The following CNTN4 variants were observed in gnomAD, a reference collection of about 807,000 sequenced individuals.
The protein encoded by CNTN4 is contactin 4.
Under a neutral mutation model 122.5 loss-of-function variants are expected in CNTN4, and 77 were observed. The ratio of observed to expected loss-of-function variants is 0.63; its 90% CI spans 0.52 to 0.76. CNTN4 has a LOEUF of 0.76. Ranked by LOEUF, CNTN4 falls within the 30% of genes least tolerant of loss-of-function variation. The pLI is 0.00. For synonymous variants in CNTN4, 512 were observed against 447.0 expected, an observed-to-expected ratio of 1.15 and a Z score of -1.83; for missense variants, 1,256 against 1,259.1, an observed-to-expected ratio of 1.00 and a Z score of 0.04.
chr3:2,953,986 G>T (rs1202644665), intron 13 of CNTN4, among the ~76,000 whole-genome samples: 2 of 152,102 alleles, frequency 1.3e-5, no homozygotes, highest in African/African-American at 4.8e-5. Context: ...CAATTCTTAG[G>T]AATCACCTTT....
chr3:3,011,249 A>G (rs1412105218), intron 14 of CNTN4, among the ~76,000 whole-genome samples: 1 of 152,162 alleles, frequency 6.6e-6, no homozygotes, highest in Non-Finnish European at 1.5e-5. Flanking sequence ...TCAATAAAGT[A>G]TATTTTTGGC....
intron 3 of CNTN4, among the ~76,000 whole-genome samples, chr3:2,542,819 T>G (rs181165740): frequency 6.6e-6 from 1 of 152,226 alleles, no homozygotes; most frequent in East Asian, 1.9e-4. Context: ...CTGGGCCAGA[T>G]AGTGGATCCA....
At chr3:2,285,051 C>A (rs1180628311) in intron 2 of CNTN4, among the ~76,000 whole-genome samples, 2 of 151,692 alleles carry the variant, frequency 1.3e-5, no homozygotes, top group Non-Finnish European at 2.9e-5. Context: ...AAAAGAGAGA[C>A]AAATGATACA....
At chr3:2,961,462 C>T (rs1447191950) in intron 13 of CNTN4, among the ~76,000 whole-genome samples, 1 of 151,996 alleles carries the variant, frequency 6.6e-6, no homozygotes. Flanking sequence ...GTGTCTTGTA[C>T]AGTAGTTTTT....
intron 3 of CNTN4, among the ~76,000 whole-genome samples, chr3:2,448,636 G>C (rs1411479210): frequency 6.6e-6 from 1 of 152,206 alleles, no homozygotes; most frequent in Admixed American, 6.5e-5. Context: ...GCCAGAGGAA[G>C]TGATTCTCTG....
chr3:2,236,751 G>T (rs946459885), intron 2 of CNTN4, among the ~76,000 whole-genome samples: 1 of 152,104 alleles, frequency 6.6e-6, no homozygotes, highest in Non-Finnish European at 1.5e-5. Flanking sequence ...TGGATGTCAG[G>T]CTCTGCACTA....
intron 2 of CNTN4, among the ~76,000 whole-genome samples, chr3:2,179,251 G>A (rs2036900348): frequency 6.6e-6 from 1 of 151,896 alleles, no homozygotes; most frequent in Non-Finnish European, 1.5e-5. Flanking sequence ...AATATTTCTG[G>A]TCAAATAAAA....
intron 14 of CNTN4, among the ~76,000 whole-genome samples, chr3:3,008,359 G>A (rs1473821904): frequency 6.6e-6 from 1 of 152,124 alleles, no homozygotes; most frequent in African/African-American, 2.4e-5. Context: ...ACCTGGCATG[G>A]ATCCGCCAAA....
At chr3:2,211,086 A>G (rs1025073006) in intron 2 of CNTN4, among the ~76,000 whole-genome samples, 1 of 152,192 alleles carries the variant, frequency 6.6e-6, no homozygotes, top group African/African-American at 2.4e-5. Context: ...TACAGGTGGC[A>G]TGGTACCAGC....
In CNTN4 at chr3:2,840,648, A is replaced by C. The variant is rs4684364; in HGVS notation, c.454+21067A>C. Reference sequence around the variant, plus strand: ...CGGGAGGCGGAGCTTGCAGTGAGCCAAGATCACACCACTGCACTCCAGCCT... The same window carrying C: ...CGGGAGGCGGAGCTTGCAGTGAGCCCAGATCACACCACTGCACTCCAGCCT... On this transcript the variant is annotated intron_variant, in intron 7 of 24. Transcript: ENST00000418658. 8.9e-3 allele frequency among the ~76,000 whole-genome samples: 1,129 copies of C among 126,214 alleles called. 37 individuals are homozygous for C. The highest frequency in any genetic ancestry group is 0.029 in the African/African-American group (999 of 34,764). The allele number at this position is 126,214 out of a possible 152,430, so 82.8% of individuals were successfully genotyped here.
At chr3:2,348,516 C>T (rs1289951532) in intron 3 of CNTN4, among the ~76,000 whole-genome samples, 2 of 152,218 alleles carry the variant, frequency 1.3e-5, no homozygotes, top group African/African-American at 2.4e-5. Context: ...ACCACATTAA[C>T]TGAAACTTAT....
Position 2,925,666 on chromosome 3 carries a change from A to G in CNTN4, c.1245A>G (p.Arg415=). Reference sequence around the variant, plus strand: ...ATTTTTCAAGAACACTCTTGAAAAGAGTAACTCTTGTCAAAGTGGGAGGTG... The same window carrying G: ...ATTTTTCAAGAACACTCTTGAAAAGGGTAACTCTTGTCAAAGTGGGAGGTG... The part of the protein sequence containing the change: ...GPDFSRTLLK[R]VTLVKVGGEV... The change falls in exon 13 of 25, where the codon AGA becomes AGG. Residue 415 remains arginine (R), a synonymous_variant. Transcript: ENST00000418658. 6.2e-7 allele frequency: 1 copy of G among 1,614,120 alleles called. No homozygotes were observed. Among genetic ancestry groups the G allele is most frequent in the Non-Finnish European group, 8.5e-7 (1 of 1,179,982 alleles).
At chr3:2,296,811 C>A (rs963892643) in intron 2 of CNTN4, among the ~76,000 whole-genome samples, 17 of 146,770 alleles carry the variant, frequency 1.2e-4, no homozygotes, top group African/African-American at 2.5e-4. Flanking sequence ...CAACAAAAAA[C>A]TATAATTCCA....
intron 2 of CNTN4, among the ~76,000 whole-genome samples, chr3:2,269,634 G>T (rs9821046): frequency 6.6e-6 from 1 of 151,980 alleles, no homozygotes; most frequent in Non-Finnish European, 1.5e-5. Context: ...ATGAGGTCCC[G>T]CAAAGAATTA....
At chr3:2,213,584 G>A (rs1461463563) in intron 2 of CNTN4, among the ~76,000 whole-genome samples, 1 of 152,162 alleles carries the variant, frequency 6.6e-6, no homozygotes, top group Non-Finnish European at 1.5e-5. Flanking sequence ...AGTTGCCAGA[G>A]TCTCAAATGT....
chr3:2,193,450 G>GA lies in CNTN4; in HGVS notation c.-145+92818dup, dbSNP rs548576336. On this transcript the variant is annotated intron_variant, in intron 2 of 24. Transcript: ENST00000418658. ...CTTCAAAAGTATCACTATAATGGAA[G>GA]AAAAAAATGCTGGAAACTTTTACTG... Among the ~76,000 whole-genome samples, 1,299 of 152,100 alleles carry GA rather than the reference G, an allele frequency of 8.5e-3. 15 individuals are homozygous for GA. The highest frequency in any genetic ancestry group is 0.012 in the Non-Finnish European group (845 of 67,978).
chr3:2,227,412 T>A (rs1434130605), intron 2 of CNTN4, among the ~76,000 whole-genome samples: 1 of 152,014 alleles, frequency 6.6e-6, no homozygotes, highest in African/African-American at 2.4e-5. Context: ...CATAGTCTCA[T>A]CATAGCTGAC....
chr3:2,674,463 A>G (rs115596252), intron 4 of CNTN4, among the ~76,000 whole-genome samples: 324 of 152,338 alleles, frequency 2.1e-3, no homozygotes, highest in African/African-American at 7.6e-3. Flanking sequence ...TATGCAAGAA[A>G]TTGTTAACTG....
At chr3:2,568,083 T>G (rs977840870) in intron 3 of CNTN4, among the ~76,000 whole-genome samples, 1 of 152,090 alleles carries the variant, frequency 6.6e-6, no homozygotes, top group Non-Finnish European at 1.5e-5. Context: ...TTACTTTTTT[T>G]GTTGAGCTGA....
Sources: allele counts gnomAD v4.1 joint callset (sites outside exome capture counted in the v4.1 genomes callset), GRCh38; gene constraint gnomAD v4.1.1; transcripts MANE v1.5; gene names NCBI Gene and HGNC (gene_info 2026-07-23, HGNC 2026-07-21).